The following IQGAP2 variants were observed in gnomAD, a reference collection of about 807,000 sequenced individuals.
The protein encoded by IQGAP2 is ras GTPase-activating-like protein IQGAP2.
A neutral mutation model predicts 201.3 loss-of-function variants in IQGAP2; 173 were observed. The ratio of observed to expected loss-of-function variants is 0.86; its 90% CI spans 0.76 to 0.98. The LOEUF is 0.98. Ranked by LOEUF, IQGAP2 falls within the 50% of genes least tolerant of loss-of-function variation. The probability of loss-of-function intolerance (pLI) is 0.00; values close to 1 mark genes in which losing one functional copy is unlikely to be tolerated. For synonymous variants in IQGAP2, 675 were observed against 673.9 expected (o/e 1.00, Z -0.03); for missense variants, 1,687 against 1,864.8 (o/e 0.90, Z 1.76).
intron 1 of IQGAP2, among the ~76,000 whole-genome samples, chr5:76,426,949 A>G (rs948880808): frequency 2.4e-5 from 3 of 126,974 alleles, no homozygotes; most frequent in Admixed American, 8.3e-5. Context: ...TGTGTGCAGG[A>G]CTTTACTGAA....
rs80016717 is a variant in IQGAP2 at position 76,622,202 on chromosome 5, C to T, written c.1522-5208C>T. ...TTTCACCTCCATCAAACCCTATTAG[C>T]GTCTTGAAGGAACCACCCCCGAAAA... On this transcript the variant is annotated intron_variant, in intron 13 of 35. Coordinates refer to ENST00000274364, the MANE Select transcript of IQGAP2 (RefSeq NM_006633.5). 8.8e-4 allele frequency among the ~76,000 whole-genome samples: 134 copies of T among 152,202 alleles called. 4 individuals carry two copies. The East Asian group carries it at 0.023, about 26-fold the overall frequency.
At position 76,671,756 on chromosome 5, in the gene IQGAP2, T is replaced by C; in HGVS notation, c.2844-3T>C. The C allele has an allele frequency of 6.2e-7, 1 of 1,607,290 alleles. No homozygotes were observed. Among genetic ancestry groups the C allele is most frequent in the Non-Finnish European group, 8.5e-7 (1 of 1,175,090 alleles). ...CATTTTGTTTTGTCTTGGGCTTTTT[T>C]AGATCAAAAGTGGACCAGGTACAGG... On this transcript the variant is annotated splice_polypyrimidine_tract_variant and splice_region_variant and intron_variant, in intron 23 of 35. Transcript: ENST00000274364.
In IQGAP2 at chr5:76,683,792, C is replaced by T. The variant is rs772990834; in HGVS notation, c.3780C>T (p.Asp1260=). The change falls in exon 30 of 36, where the codon GAC becomes GAT. Residue 1260 remains aspartate, a synonymous_variant. Coordinates refer to ENST00000274364, the MANE Select transcript of IQGAP2 (RefSeq NM_006633.5). ...TCCCTACAGGGGAAGGAGCAGTTGA[C>T]CCCAATGACCCTAACAAGGCAAATA... ...VESFLGEGAV[D]PNDPNKANTL... 88 of 1,611,072 alleles carry T rather than the reference C, an allele frequency of 5.5e-5. No individual in the cohort carries two copies. In the South Asian group the frequency reaches 9.7e-4, roughly 18 times the overall value.
chr5:76,685,641 T>C (rs1443856650), intron 30 of IQGAP2, among the ~76,000 whole-genome samples: 1 of 152,176 alleles, frequency 6.6e-6, no homozygotes, highest in Admixed American at 6.5e-5. Flanking sequence ...CCTGGGACAT[T>C]GTCCTGTTTG....
rs1012416714 is a variant in IQGAP2, at chr5:76,677,207, C to A, written c.3528-11C>A. The A allele has an allele frequency of 6.2e-7, 1 of 1,610,964 alleles. No homozygotes were observed. Among genetic ancestry groups the A allele is most frequent in the South Asian group, 1.1e-5 (1 of 90,512 alleles). On this transcript the variant is annotated splice_polypyrimidine_tract_variant and intron_variant, in intron 27 of 35. Transcript: ENST00000274364. ...TTGAGTCTGTCTTAAGACTTTTCCC[C>A]CCTTTATTAGGAAATATTTCAAAGA...
At chr5:76,580,310 C>T (rs541391428) in intron 5 of IQGAP2, among the ~76,000 whole-genome samples, 27 of 147,414 alleles carry the variant, frequency 1.8e-4, no homozygotes, top group African/African-American at 6.5e-4. Flanking sequence ...TGGTGGCACA[C>T]GCCTGTAGTC....
At chr5:76,622,635 A>C (rs1212301158) in intron 13 of IQGAP2, among the ~76,000 whole-genome samples, 1 of 152,224 alleles carries the variant, frequency 6.6e-6, no homozygotes, top group Non-Finnish European at 1.5e-5. Context: ...TTATTTTTAA[A>C]ATTAAAAAAT....
At chr5:76,691,995 TATC>T in intron 30 of IQGAP2, among the ~76,000 whole-genome samples, 1 of 152,354 alleles carries the variant, frequency 6.6e-6, no homozygotes, top group East Asian at 1.9e-4. Context: ...CATTCAGTGA[TATC>T]ATGTAATGAC....
At chr5:76,445,435 T>A (rs542550660) in intron 1 of IQGAP2, among the ~76,000 whole-genome samples, 1 of 151,758 alleles carries the variant, frequency 6.6e-6, no homozygotes, top group East Asian at 1.9e-4. Context: ...CAAACATTTT[T>A]AAACTGTGGC....
intron 28 of IQGAP2, among the ~76,000 whole-genome samples, chr5:76,681,531 TTA>T (rs1491391651): frequency 7.1e-6 from 1 of 141,526 alleles, no homozygotes; most frequent in Non-Finnish European, 1.5e-5. Flanking sequence ...ATATCAAAAT[TTA>T]AAAAAAAAAA....
chr5:76,418,421 G>A (rs1200009051), intron 1 of IQGAP2, among the ~76,000 whole-genome samples: 1 of 151,976 alleles, frequency 6.6e-6, no homozygotes, highest in African/African-American at 2.4e-5. Flanking sequence ...ATTGAGGCTG[G>A]ACCCGGTGGC....
Position 76,700,328 on chromosome 5 carries a change from G to A in IQGAP2, c.4368-748G>A, listed in dbSNP as rs541674318. Among the ~76,000 whole-genome samples the A allele has an allele frequency of 2.1e-4, 32 of 152,238 alleles. No homozygotes were observed. In the East Asian group the frequency reaches 5.0e-3, roughly 24 times the overall value. On this transcript the variant is annotated intron_variant, in intron 33 of 35. Transcript: ENST00000274364. The stretch of plus-strand genomic sequence containing the variant: ...GCCTCACCAGCTTGGCTGACGTGGC[G>A]AAACTCCTTCTCCTCTAAAAATACA...
chr5:76,568,499 T>C (rs1457566105), intron 3 of IQGAP2, among the ~76,000 whole-genome samples: 1 of 152,236 alleles, frequency 6.6e-6, no homozygotes, highest in Non-Finnish European at 1.5e-5. Flanking sequence ...TTCCTGAGAT[T>C]ACTTTGCTAA....
At chr5:76,637,602 G>A (rs1172691795) in intron 16 of IQGAP2, among the ~76,000 whole-genome samples, 1 of 152,180 alleles carries the variant, frequency 6.6e-6, no homozygotes, top group African/African-American at 2.4e-5. Context: ...GTGCTGGAGA[G>A]GGCATCTCTG....
rs1745050434 is a variant in IQGAP2 at position 76,570,672 on chromosome 5, A to C, written c.381+15A>C. ...GTCTACCCAAGGTAAGCCTTCACGC[A>C]CTGGAATCTGAACTAGAAAGGCAAA... On this transcript the variant is annotated intron_variant, in intron 4 of 35. Coordinates refer to ENST00000274364, the MANE Select transcript of IQGAP2 (RefSeq NM_006633.5). The C allele has an allele frequency of 2.5e-6, 4 of 1,585,706 alleles. No homozygotes were observed. Among genetic ancestry groups the C allele is most frequent in the Non-Finnish European group, 3.5e-6 (4 of 1,154,416 alleles).
rs781648589 is a variant in IQGAP2, at chr5:76,697,991, T to G, written c.4211T>G (p.Ile1404Ser). ...QDILNEIAKD[I>S]RNQRIYRKLR... is the part of the protein sequence containing the mutation. ...ACCCCTTACTTGTTGTTTTAGGATATTCGAAATCAAAGAATCTATCGTAAG... is the reference window on the plus strand; with the variant it reads ...ACCCCTTACTTGTTGTTTTAGGATAGTCGAAATCAAAGAATCTATCGTAAG... The change falls in exon 33 of 36, where the codon ATT becomes AGT. Residue 1404 changes from isoleucine to serine, a missense_variant. Transcript: ENST00000274364. 48 of 1,610,166 alleles carry G rather than the reference T, an allele frequency of 3.0e-5. No individual in the cohort carries two copies. In the South Asian group the frequency reaches 5.3e-4, roughly 18 times the overall value.
chr5:76,417,368 C>T (rs1427886116), intron 1 of IQGAP2, among the ~76,000 whole-genome samples: 1 of 152,204 alleles, frequency 6.6e-6, no homozygotes, highest in Non-Finnish European at 1.5e-5. Flanking sequence ...CTGCTTACTG[C>T]AATCTCCGCC....
intron 5 of IQGAP2, among the ~76,000 whole-genome samples, 195 bp downstream of exon 5, chr5:76,575,964 T>G (rs1200996747): frequency 6.6e-6 from 1 of 152,192 alleles, no homozygotes; most frequent in Non-Finnish European, 1.5e-5. Context: ...AAAAATGTTT[T>G]TCTGATTTTT....
intron 1 of IQGAP2, among the ~76,000 whole-genome samples, chr5:76,429,591 T>C (rs1268116387): frequency 7.9e-6 from 1 of 127,166 alleles, no homozygotes; most frequent in South Asian, 2.4e-4. Context: ...TTTATATATA[T>C]ATATATGTAT....
Sources: gnomAD v4.1 joint callset for allele counts (sites outside exome capture counted in the v4.1 genomes callset) on GRCh38, gnomAD v4.1.1 for gene constraint, MANE v1.5 for transcripts, NCBI Gene and HGNC (gene_info 2026-07-23, HGNC 2026-07-21) for gene names.